Variants in ICA1L observed in about 807,000 individuals in gnomAD.
The protein encoded by ICA1L is islet cell autoantigen 1-like protein.
A neutral mutation model predicts 61.3 loss-of-function variants in ICA1L; 50 were observed. That is an observed-to-expected ratio of 0.82 (90% CI 0.65 to 1.03). The LOEUF is 1.03. Ranked by LOEUF, ICA1L falls within the 50% of genes least tolerant of loss-of-function variation. The pLI is 0.00. For missense variants in ICA1L, 508 were observed against 556.7 expected, an observed-to-expected ratio of 0.91 and a Z score of 0.88; for synonymous variants, 161 against 191.3, an observed-to-expected ratio of 0.84 and a Z score of 1.31.
chr2:202,784,851 A>G (rs953146755), intron 12 of ICA1L, among the ~76,000 whole-genome samples: 4 of 152,190 alleles, frequency 2.6e-5, no homozygotes, highest in African/African-American at 9.7e-5. Flanking sequence ...TCAGATTTAC[A>G]AGATAAAAAA....
chr2:202,781,343 T>A (rs535800660), intron 12 of ICA1L, among the ~76,000 whole-genome samples: 9 of 151,686 alleles, frequency 5.9e-5, no homozygotes, highest in Non-Finnish European at 1.2e-4. Context: ...GAGGCTGAGG[T>A]GTGCAGATCA....
At chr2:202,825,554 G>A in intron 3 of ICA1L, 141 bp downstream of exon 3, 2 of 1,348,724 alleles carry the variant, frequency 1.5e-6, no homozygotes, top group Non-Finnish European at 1.9e-6. Context: ...TGGGGCCTTT[G>A]AGAACAGGTA....
chr2:202,832,555 C>T (rs72932781), intron 1 of ICA1L, among the ~76,000 whole-genome samples: 13,688 of 151,692 alleles, frequency 0.09, 752 homozygotes, highest in Non-Finnish European at 0.12. Context: ...AATGAACACA[C>T]TGAAAATATT....
rs932534526 is a variant in ICA1L, at chr2:202,834,842, A to C, written c.-7-5826T>G. On this transcript the variant is annotated intron_variant, in intron 1 of 12. Coordinates refer to ENST00000358299, the MANE Select transcript of ICA1L (RefSeq NM_001288622.3). ...ATATATTTTTTTCATTACTTATTTT[A>C]CTTACAGATTCAGGGTCTCACTCTG... is the stretch of plus-strand genomic sequence containing the variant. Among the ~76,000 whole-genome samples, 4 of 151,934 alleles carry C rather than the reference A, an allele frequency of 2.6e-5. No individual in the cohort carries two copies. In the East Asian group the frequency reaches 7.7e-4, roughly 29 times the overall value.
intron 9 of ICA1L, among the ~76,000 whole-genome samples, chr2:202,807,478 A>G (rs1202829950): frequency 6.6e-6 from 1 of 152,194 alleles, no homozygotes; most frequent in African/African-American, 2.4e-5. Flanking sequence ...AGTTCCAGCA[A>G]GCCCCACCAT....
chr2:202,774,094 C>A lies in ICA1L; in HGVS notation c.*5439G>T. ...TGCCTAATATGATAATATTAGGAAT[C>A]CCATCAATGATTGGATAAGCTATTC... On this transcript the variant is annotated 3_prime_UTR_variant, in exon 13 of 13. Transcript: ENST00000358299. The A allele has an allele frequency of 9.0e-7, 1 of 1,115,284 alleles. No individual in the cohort carries two copies. Among genetic ancestry groups the A allele is most frequent in the African/African-American group, 1.6e-5 (1 of 64,252 alleles). 69.1% of individuals were successfully genotyped at this position (1,115,284 alleles called of 1,614,324 possible). A position where few individuals can be genotyped will look rare whatever the true frequency, so the allele number is the denominator to read the frequency against.
intron 1 of ICA1L, among the ~76,000 whole-genome samples, chr2:202,835,951 C>G (rs919703469): frequency 6.6e-6 from 1 of 152,150 alleles, no homozygotes; most frequent in African/African-American, 2.4e-5. Flanking sequence ...AATATAAAAT[C>G]ACATTGTCCG....
chr2:202,812,595 A>G (rs62194666), intron 8 of ICA1L, among the ~76,000 whole-genome samples: 1 of 152,138 alleles, frequency 6.6e-6, no homozygotes, highest in South Asian at 2.1e-4. Context: ...AAAAAAAGAA[A>G]TTGAACACAG....
At chr2:202,858,569 G>A (rs1349872970) in intron 1 of ICA1L, among the ~76,000 whole-genome samples, 3 of 152,090 alleles carry the variant, frequency 2.0e-5, no homozygotes, top group South Asian at 2.1e-4. Context: ...GCAAACCACC[G>A]TGGCACATGT....
Position 202,773,801 on chromosome 2 carries a change from C to G in ICA1L, c.*5732G>C. On this transcript the variant is annotated 3_prime_UTR_variant, in exon 13 of 13. Coordinates refer to ENST00000358299, the MANE Select transcript of ICA1L (RefSeq NM_001288622.3). Reference sequence around the variant, plus strand: ...ACACCGGTATGGTAATAGGCAAGAGCAGGCTGTAAAAGCAAAGGCTAGCTG... The same window carrying G: ...ACACCGGTATGGTAATAGGCAAGAGGAGGCTGTAAAAGCAAAGGCTAGCTG... The G allele has an allele frequency of 7.2e-7, 1 of 1,395,432 alleles. No homozygotes were observed. The highest frequency in any genetic ancestry group is 1.0e-6 in the Non-Finnish European group (1 of 983,640). The allele number at this position is 1,395,432 out of a possible 1,614,324, so 86.4% of individuals were successfully genotyped here.
chr2:202,852,701 A>G (rs1338464279), intron 1 of ICA1L, among the ~76,000 whole-genome samples: 3 of 147,004 alleles, frequency 2.0e-5, no homozygotes, highest in Non-Finnish European at 1.5e-5. Context: ...AAAAAAGTGT[A>G]CCTATTTCTC....
At position 202,773,888 on chromosome 2, in the gene ICA1L, A is replaced by G. The variant is rs918416507; in HGVS notation, c.*5645T>C. 4 of 1,280,954 alleles carry G rather than the reference A, an allele frequency of 3.1e-6. No homozygotes were observed. In the African/African-American group the frequency reaches 4.4e-5, roughly 14 times the overall value. The allele number at this position is 1,280,954 out of a possible 1,614,324, so 79.3% of individuals were successfully genotyped here. On this transcript the variant is annotated 3_prime_UTR_variant, in exon 13 of 13. Transcript: ENST00000358299. Reference sequence around the variant, plus strand: ...AGGCTGAGTGGAACAGTCCTGCTAAATAAACCAGTGGAATAAGAACAGTCA... The same window carrying G: ...AGGCTGAGTGGAACAGTCCTGCTAAGTAAACCAGTGGAATAAGAACAGTCA...
chr2:202,796,854 AAG>A (rs1208736072), intron 10 of ICA1L, 34 bp downstream of exon 10: 2 of 1,245,610 alleles, frequency 1.6e-6, no homozygotes. Context: ...AAGAATTTTA[AAG>A]AATCATTCAT....
intron 1 of ICA1L, among the ~76,000 whole-genome samples, chr2:202,837,136 C>T (rs1290274366): frequency 2.6e-5 from 4 of 151,936 alleles, no homozygotes; most frequent in African/African-American, 9.7e-5. Context: ...GCCACTGCAC[C>T]CGGCCTGTGT....
intron 5 of ICA1L, 41 bp downstream of exon 5, chr2:202,819,653 GTTTCATA>G (rs754398680): frequency 1.5e-6 from 2 of 1,348,478 alleles, no homozygotes; most frequent in Non-Finnish European, 2.1e-6. Flanking sequence ...TTCTGTGGCA[GTTTCATA>G]TTTCATACAC....
At chr2:202,860,057 C>T (rs1694869595) in intron 1 of ICA1L, 2 of 151,734 alleles carry the variant, frequency 1.3e-5, no homozygotes, top group Non-Finnish European at 1.5e-5. Context: ...AAGAGGATCA[C>T]TTGAGGTCAA....
chr2:202,863,001 G>GA (rs112881860), intron 1 of ICA1L, among the ~76,000 whole-genome samples: 11 of 147,406 alleles, frequency 7.5e-5, no homozygotes, highest in Admixed American at 2.0e-4. Flanking sequence ...ACCTACATTA[G>GA]AAAAAAAAAG....
intron 10 of ICA1L, among the ~76,000 whole-genome samples, chr2:202,791,823 C>A (rs1384467670): frequency 6.6e-6 from 1 of 151,420 alleles, no homozygotes. Context: ...CAAGCCTGGG[C>A]AACAAGAGCA....
intron 1 of ICA1L, chr2:202,870,545 A>C (rs1186666087): frequency 6.6e-6 from 1 of 152,208 alleles, no homozygotes; most frequent in African/African-American, 2.4e-5. Flanking sequence ...GGAGATGTTT[A>C]CTCGGCCAGT....
Sources: allele counts gnomAD v4.1 joint callset (sites outside exome capture counted in the v4.1 genomes callset), GRCh38; gene constraint gnomAD v4.1.1; transcripts MANE v1.5; gene names NCBI Gene and HGNC (gene_info 2026-07-23, HGNC 2026-07-21).